GABRG3: variants seen among roughly 807,000 people sequenced by gnomAD.
The protein encoded by GABRG3 is gamma-aminobutyric acid type A receptor subunit gamma3.
A neutral mutation model predicts 48.8 loss-of-function variants in GABRG3; 25 were observed. The observed-to-expected ratio is 0.51, with a 90% CI of 0.37 to 0.72. The LOEUF is 0.72. Among genes scored for constraint, GABRG3 ranks in the 30% least tolerant of loss-of-function variants. The pLI, the probability that GABRG3 is intolerant of heterozygous loss-of-function variation, is 0.00. For synonymous variants in GABRG3, 227 were observed against 217.6 expected, an observed-to-expected ratio of 1.04 and a Z score of -0.38; for missense variants, 394 against 577.9, an observed-to-expected ratio of 0.68 and a Z score of 3.26.
intron 3 of GABRG3, among the ~76,000 whole-genome samples, chr15:27,120,266 C>T (rs769246071): frequency 2.6e-5 from 4 of 152,204 alleles, no homozygotes; most frequent in Admixed American, 6.5e-5. Context: ...AGTTGCATTG[C>T]TACTCATCTC....
intron 5 of GABRG3, chr15:27,366,493 A>G (rs9707791): frequency 0.25 from 37,312 of 152,096 alleles, 4,842 homozygotes; most frequent in Middle Eastern, 0.33. Context: ...GCCAGTAATT[A>G]AAAGTATCCA....
At chr15:27,384,785 A>G (rs1895874057) in intron 5 of GABRG3, among the ~76,000 whole-genome samples, 1 of 152,220 alleles carries the variant, frequency 6.6e-6, no homozygotes. Flanking sequence ...CAAAGTCTTC[A>G]CTGGAAACTT....
chr15:27,259,146 T>G (rs1004593385), intron 3 of GABRG3, among the ~76,000 whole-genome samples: 2 of 152,230 alleles, frequency 1.3e-5, no homozygotes, highest in Admixed American at 1.3e-4. Flanking sequence ...GTTTGGTCAC[T>G]TAAGTTGATT....
intron 2 of GABRG3, among the ~76,000 whole-genome samples, chr15:26,990,890 C>T (rs541619243): frequency 5.9e-5 from 9 of 151,480 alleles, no homozygotes; most frequent in African/African-American, 1.5e-4. Context: ...TTGAAACCTC[C>T]GCCTCCTGGG....
At chr15:27,453,436 A>G (rs1466723397) in intron 5 of GABRG3, among the ~76,000 whole-genome samples, 1 of 152,226 alleles carries the variant, frequency 6.6e-6, no homozygotes, top group African/African-American at 2.4e-5. Context: ...ATATAAAGCT[A>G]GAAGAATATG....
intron 3 of GABRG3, among the ~76,000 whole-genome samples, chr15:27,286,840 C>T (rs553324827): frequency 3.3e-5 from 5 of 152,250 alleles, no homozygotes; most frequent in South Asian, 2.1e-4. Context: ...CCTTTTTAGA[C>T]GTGTCCCTGC....
intron 3 of GABRG3, among the ~76,000 whole-genome samples, chr15:27,226,441 C>G (rs1010307217): frequency 1.3e-5 from 2 of 152,176 alleles, no homozygotes; most frequent in African/African-American, 4.8e-5. Flanking sequence ...AGTGTCCTCA[C>G]CCAGCTTCAG....
chr15:27,487,870 G>A (rs1890257591), intron 6 of GABRG3, among the ~76,000 whole-genome samples: 2 of 152,276 alleles, frequency 1.3e-5, no homozygotes, highest in East Asian at 1.9e-4. Flanking sequence ...AACACTCATT[G>A]TTTTACATGC....
intron 6 of GABRG3, among the ~76,000 whole-genome samples, chr15:27,493,049 T>C (rs766386294): frequency 2.0e-5 from 3 of 152,216 alleles, no homozygotes; most frequent in Non-Finnish European, 4.4e-5. Flanking sequence ...TTTTCTCTCA[T>C]ATCTCCATAA....
chr15:27,311,822 G>A (rs548142124), intron 3 of GABRG3, among the ~76,000 whole-genome samples: 5 of 152,176 alleles, frequency 3.3e-5, no homozygotes, highest in South Asian at 2.1e-4. Context: ...AAGAGGCTCC[G>A]AAAATCTCTG....
At chr15:27,389,194 C>A (rs1896146214) in intron 5 of GABRG3, among the ~76,000 whole-genome samples, 1 of 152,096 alleles carries the variant, frequency 6.6e-6, no homozygotes, top group African/African-American at 2.4e-5. Context: ...AATTCCATTT[C>A]ATTAAAATAG....
In GABRG3 at chr15:27,194,235, G is replaced by A. The variant is rs150015233; in HGVS notation, c.271-132574G>A. On this transcript the variant is annotated intron_variant, in intron 3 of 9. Coordinates refer to ENST00000615808, the MANE Select transcript of GABRG3 (RefSeq NM_033223.5). ...AATATAATTATCTTAGGTATTTCCT[G>A]TATATACGTTGAGCACAACATCAGA... Among the ~76,000 whole-genome samples, 169 of 152,270 alleles carry A rather than the reference G, an allele frequency of 1.1e-3. 2 individuals are homozygous for A. Among genetic ancestry groups the A allele is most frequent in the East Asian group, 7.3e-3 (38 of 5,174 alleles).
At chr15:27,253,975 T>C (rs967246922) in intron 3 of GABRG3, among the ~76,000 whole-genome samples, 1 of 152,226 alleles carries the variant, frequency 6.6e-6, no homozygotes, top group Non-Finnish European at 1.5e-5. Flanking sequence ...GCTTTCCAAT[T>C]GACATTTCTT....
intron 3 of GABRG3, among the ~76,000 whole-genome samples, chr15:27,088,105 TTGTG>T (rs59358081): frequency 7.0e-4 from 103 of 147,352 alleles, no homozygotes; most frequent in East Asian, 1.6e-3. Flanking sequence ...TGTGCCGTGG[TTGTG>T]TGTGTGTGTG....
intron 5 of GABRG3, among the ~76,000 whole-genome samples, chr15:27,345,458 A>G (rs1417184183): frequency 6.6e-6 from 1 of 151,916 alleles, no homozygotes; most frequent in Non-Finnish European, 1.5e-5. Flanking sequence ...TAGTACAGAA[A>G]CCTGGATAGA....
intron 6 of GABRG3, among the ~76,000 whole-genome samples, chr15:27,485,664 T>A (rs1028110378): frequency 6.6e-6 from 1 of 152,160 alleles, no homozygotes; most frequent in Non-Finnish European, 1.5e-5. Context: ...TAAATTTTTT[T>A]ATTACAGATT....
chr15:27,424,025 C>G (rs1336823936), intron 5 of GABRG3, among the ~76,000 whole-genome samples: 1 of 152,048 alleles, frequency 6.6e-6, no homozygotes, highest in Non-Finnish European at 1.5e-5. Context: ...CTAGTATATT[C>G]TCCTGCAGGA....
intron 3 of GABRG3, among the ~76,000 whole-genome samples, chr15:27,209,981 G>C (rs1889019985): frequency 6.6e-6 from 1 of 152,130 alleles, no homozygotes; most frequent in South Asian, 2.1e-4. Context: ...ATAGGGTCAG[G>C]GCCCACCCTG....
intron 6 of GABRG3, among the ~76,000 whole-genome samples, chr15:27,482,553 T>C (rs1254065600): frequency 6.6e-6 from 1 of 152,228 alleles, no homozygotes; most frequent in Admixed American, 6.5e-5. Flanking sequence ...ATAAATGCCC[T>C]TTTATAGGCA....
Sources: allele counts gnomAD v4.1 joint callset (sites outside exome capture counted in the v4.1 genomes callset), GRCh38; gene constraint gnomAD v4.1.1; transcripts MANE v1.5; gene names NCBI Gene and HGNC (gene_info 2026-07-23, HGNC 2026-07-21).